ZNF804A: variants seen among roughly 807,000 people sequenced by gnomAD.
ZNF804A encodes the protein zinc finger protein 804A.
ZNF804A carries 2 observed loss-of-function variants against 16.5 expected under a neutral mutation model. The ratio of observed to expected loss-of-function variants is 0.12; its 90% CI spans 0.05 to 0.38. The LOEUF (loss-of-function observed/expected upper bound fraction) is 0.38. Ranked by LOEUF, ZNF804A falls within the 10% of genes least tolerant of loss-of-function variation. The pLI is 0.99. For missense variants in ZNF804A, 1,473 were observed against 1,390.7 expected (o/e 1.06, Z -0.94); for synonymous variants, 534 against 489.6 (o/e 1.09, Z -1.20).
In ZNF804A at chr2:184,936,642, A is replaced by G. The variant is rs780598334; in HGVS notation, c.1246A>G (p.Asn416Asp). The change falls in exon 4 of 4, where the codon AAT (asparagine) becomes GAT (aspartate). Residue 416 changes from asparagine to aspartate, a missense_variant. Transcript: ENST00000302277. Reference sequence around the variant, plus strand: ...TAACATAACTATACATAAGAAAACAAATTTCTGCAAAAGACAATGTGAGCC... The same window carrying G: ...TAACATAACTATACATAAGAAAACAGATTTCTGCAAAAGACAATGTGAGCC... ...EVNITIHKKTNFCKRQCEPFV... is the reference protein window; with the variant it reads ...EVNITIHKKTDFCKRQCEPFV... The G allele has an allele frequency of 1.4e-5, 22 of 1,613,940 alleles. No homozygotes were observed. The South Asian group carries it at 2.3e-4, about 17-fold the overall frequency.
intron 1 of ZNF804A, among the ~76,000 whole-genome samples, chr2:184,735,201 T>C (rs1693587275): frequency 6.6e-6 from 1 of 152,218 alleles, no homozygotes; most frequent in South Asian, 2.1e-4. Flanking sequence ...CACTTGGTTT[T>C]TTTTCAGTTT....
chr2:184,781,491 GATA>G (rs1694370751), intron 1 of ZNF804A, among the ~76,000 whole-genome samples: 1 of 151,628 alleles, frequency 6.6e-6, no homozygotes, highest in Non-Finnish European at 1.5e-5. Flanking sequence ...ATCATTTCTT[GATA>G]ATAACACAAT....
At chr2:184,661,394 G>A (rs1692174192) in intron 1 of ZNF804A, among the ~76,000 whole-genome samples, 1 of 152,158 alleles carries the variant, frequency 6.6e-6, no homozygotes, top group Non-Finnish European at 1.5e-5. Flanking sequence ...TGAGTTTCGG[G>A]TTCTTGTACT....
rs771469225 is a variant in ZNF804A at position 184,936,508 on chromosome 2, C to T, written c.1112C>T (p.Ser371Phe). 1 of 1,613,914 alleles carries T rather than the reference C, an allele frequency of 6.2e-7. No individual in the cohort carries two copies. Among genetic ancestry groups the T allele is most frequent in the Non-Finnish European group, 8.5e-7 (1 of 1,179,932 alleles). The change falls in exon 4 of 4, where the codon TCT (serine) becomes TTT (phenylalanine). Residue 371 changes from serine (S) to phenylalanine (F), a missense_variant. Transcript: ENST00000302277. ...CTTGACATGTCTAATGATTGCATAT[C>T]TGTGCAAGCTACCACAGAGGAAAAT... is the stretch of plus-strand genomic sequence containing the variant. Reference protein sequence around the residue: ...TVLDMSNDCISVQATTEENVK... With the variant: ...TVLDMSNDCIFVQATTEENVK...
intron 2 of ZNF804A, among the ~76,000 whole-genome samples, chr2:184,909,324 A>G (rs1188027680): frequency 6.6e-6 from 1 of 152,082 alleles, no homozygotes; most frequent in Non-Finnish European, 1.5e-5. Flanking sequence ...AAATAGGCAA[A>G]ATTACATGCA....
intron 1 of ZNF804A, among the ~76,000 whole-genome samples, chr2:184,831,014 G>C (rs1223560067): frequency 2.0e-5 from 3 of 152,062 alleles, no homozygotes; most frequent in Non-Finnish European, 4.4e-5. Flanking sequence ...CTGCAACAAA[G>C]TATGTTTTAA....
chr2:184,817,235 T>C (rs1694996933), intron 1 of ZNF804A, among the ~76,000 whole-genome samples: 1 of 151,446 alleles, frequency 6.6e-6, no homozygotes, highest in South Asian at 2.1e-4. Flanking sequence ...CCACTGGTGA[T>C]ATCTGGAGGT....
intron 2 of ZNF804A, among the ~76,000 whole-genome samples, chr2:184,920,812 C>A (rs1685517734): frequency 6.6e-6 from 1 of 152,154 alleles, no homozygotes; most frequent in Non-Finnish European, 1.5e-5. Context: ...AGTCCTACTA[C>A]CACAAGGAAA....
intron 1 of ZNF804A, among the ~76,000 whole-genome samples, chr2:184,775,965 C>T (rs1004342970): frequency 1.3e-5 from 2 of 151,540 alleles, no homozygotes; most frequent in African/African-American, 2.4e-5. Context: ...ATGATTACAT[C>T]TCATAACAGT....
chr2:184,633,922 G>GA (rs1691654009), intron 1 of ZNF804A, among the ~76,000 whole-genome samples: 1 of 152,142 alleles, frequency 6.6e-6, no homozygotes, highest in Admixed American at 6.5e-5. Flanking sequence ...TTTAACAGCA[G>GA]TTGGTTAAGA....
chr2:184,675,506 G>C (rs910648115), intron 1 of ZNF804A, among the ~76,000 whole-genome samples: 11 of 151,672 alleles, frequency 7.3e-5, no homozygotes, highest in African/African-American at 2.7e-4. Context: ...TTAAATCACT[G>C]CATGTAGAGC....
At chr2:184,609,655 A>G (rs1160907985) in intron 1 of ZNF804A, among the ~76,000 whole-genome samples, 1 of 152,186 alleles carries the variant, frequency 6.6e-6, no homozygotes, top group Non-Finnish European at 1.5e-5. Context: ...TAGCATTCTC[A>G]CATGATGGAC....
chr2:184,713,081 T>G (rs1191352462), intron 1 of ZNF804A, among the ~76,000 whole-genome samples: 1 of 151,856 alleles, frequency 6.6e-6, no homozygotes, highest in Non-Finnish European at 1.5e-5. Flanking sequence ...CAATTCTTTT[T>G]GTTCCTTGTG....
intron 2 of ZNF804A, among the ~76,000 whole-genome samples, chr2:184,894,644 G>A (rs1001899763): frequency 6.6e-6 from 1 of 151,812 alleles, no homozygotes; most frequent in Non-Finnish European, 1.5e-5. Flanking sequence ...CACGTTAAGC[G>A]AATATACTTA....
At chr2:184,748,483 C>T (rs1036307723) in intron 1 of ZNF804A, among the ~76,000 whole-genome samples, 1 of 150,390 alleles carries the variant, frequency 6.6e-6, no homozygotes, top group Non-Finnish European at 1.5e-5. Flanking sequence ...TATTTGTGTC[C>T]AGTTTGTTTA....
Position 184,638,477 on chromosome 2 carries a change from C to A in ZNF804A, c.111+39407C>A, listed in dbSNP as rs539306854. On this transcript the variant is annotated intron_variant, in intron 1 of 3. Transcript: ENST00000302277. The stretch of plus-strand genomic sequence containing the variant: ...GTGTGGTATAAAAAATACCTTAGGT[C>A]TGTGGGTATGTTTTTATTCATTTTT... 2.0e-5 allele frequency among the ~76,000 whole-genome samples: 3 copies of A among 152,210 alleles called. No individual in the cohort carries two copies. In the Middle Eastern group the frequency reaches 0.01, roughly 518 times the overall value.
intron 1 of ZNF804A, among the ~76,000 whole-genome samples, chr2:184,604,575 T>A (rs435822): frequency 0.45 from 68,261 of 151,894 alleles, 16,503 homozygotes; most frequent in African/African-American, 0.63. Flanking sequence ...CCAAATTAGT[T>A]TGTTTAATGT....
intron 1 of ZNF804A, among the ~76,000 whole-genome samples, chr2:184,819,982 C>CG (rs1029948088): frequency 2.0e-5 from 3 of 151,870 alleles, no homozygotes; most frequent in African/African-American, 7.3e-5. Flanking sequence ...TAAATTTTAC[C>CG]GGGGGTACAA....
rs367970300 is a variant in ZNF804A at position 184,938,732 on chromosome 2, T to C, written c.3336T>C (p.Ala1112=). The change falls in exon 4 of 4, where the codon GCT becomes GCC. Residue 1112 remains alanine (A), a synonymous_variant. Transcript: ENST00000302277. ...VLQQHAAAAA[A]AAAAAAAGTF... ...AGCAGCACGCTGCAGCTGCTGCAGCTGCAGCTGCAGCCGCAGCTGCAGGAA... is the reference window on the plus strand; with the variant it reads ...AGCAGCACGCTGCAGCTGCTGCAGCCGCAGCTGCAGCCGCAGCTGCAGGAA... 9 of 1,607,150 alleles carry C rather than the reference T, an allele frequency of 5.6e-6. No individual in the cohort carries two copies. The highest frequency in any genetic ancestry group is 1.7e-4 in the Middle Eastern group (1 of 6,050).
Sources: gnomAD v4.1 joint callset for allele counts (sites outside exome capture counted in the v4.1 genomes callset) on GRCh38, gnomAD v4.1.1 for gene constraint, MANE v1.5 for transcripts, NCBI Gene and HGNC (gene_info 2026-07-23, HGNC 2026-07-21) for gene names.